The following ZNF793 variants were observed in gnomAD, a reference collection of about 807,000 sequenced individuals.
ZNF793 encodes zinc finger protein 793.
Under a neutral mutation model 12.4 loss-of-function variants are expected in ZNF793, and 5 were observed. That is an observed-to-expected ratio of 0.40 (90% CI 0.21 to 0.84). The LOEUF is 0.84. ZNF793 is among the 40% of genes least tolerant of loss of function. The pLI is 0.35. For synonymous variants in ZNF793, 162 were observed against 172.4 expected, an observed-to-expected ratio of 0.94 and a Z score of 0.47; for missense variants, 456 against 495.0, an observed-to-expected ratio of 0.92 and a Z score of 0.75.
rs1391543441 is a variant in ZNF793, at chr19:37,536,895, A to G, written c.239-2A>G. 2.5e-6 allele frequency: 4 copies of G among 1,595,754 alleles called. No individual in the cohort carries two copies. In the African/African-American group the frequency reaches 5.4e-5, roughly 22 times the overall value. Reference sequence around the variant, plus strand: ...AAGGATGATTCACTGTACTTTCTCCAGAAGACATCTGGCGAGTTAATATCC... The same window carrying G: ...AAGGATGATTCACTGTACTTTCTCCGGAAGACATCTGGCGAGTTAATATCC... On this transcript the variant is annotated splice_acceptor_variant, in intron 7 of 7. Coordinates refer to ENST00000627814, the MANE Select transcript of ZNF793 (RefSeq NM_001013659.3). LOFTEE classifies it high-confidence loss of function.
intron 3 of ZNF793, among the ~76,000 whole-genome samples, chr19:37,521,252 G>A (rs2042373153): frequency 6.6e-6 from 1 of 152,016 alleles, no homozygotes; most frequent in African/African-American, 2.4e-5. Flanking sequence ...CTCCCAAAGT[G>A]CTGGGATTAC....
At position 37,540,981 on chromosome 19, in the gene ZNF793, T is replaced by A. The variant is rs1402489104; in HGVS notation, c.*3102T>A. 1 of 151,908 alleles carries A rather than the reference T, an allele frequency of 6.6e-6. No homozygotes were observed. 9.4% of individuals were successfully genotyped at this position (151,908 alleles called of 1,614,324 possible). A position where few individuals can be genotyped will look rare whatever the true frequency, so the allele number is the denominator to read the frequency against. ...ATTATATATCTATAATAATTAAAAA[T>A]TTTTAAAATGCCATGCTAGATACCA... On this transcript the variant is annotated 3_prime_UTR_variant, in exon 8 of 8. Transcript: ENST00000627814.
Position 37,523,430 on chromosome 19 carries a change from ACAG to A in ZNF793, c.-6_-4del. ...TACAGGTGTCAGATCTTTTTCAAGA[ACAG>A]CAGAAAATGATCGAATACCAGGTAA... On this transcript the variant is annotated 5_prime_UTR_variant, in exon 5 of 8. Coordinates refer to ENST00000627814, the MANE Select transcript of ZNF793 (RefSeq NM_001013659.3). 6.2e-7 allele frequency: 1 copy of A among 1,613,574 alleles called. No individual in the cohort carries two copies. The highest frequency in any genetic ancestry group is 8.5e-7 in the Non-Finnish European group (1 of 1,179,518).
At chr19:37,522,945 C>G (rs996990907) in intron 4 of ZNF793, among the ~76,000 whole-genome samples, 1 of 152,084 alleles carries the variant, frequency 6.6e-6, no homozygotes, top group Non-Finnish European at 1.5e-5. Context: ...GCTTTATGGT[C>G]TATGCTTTAT....
intron 5 of ZNF793, 54 bp from the exon 6 acceptor site, chr19:37,532,302 C>A (rs2042467899): frequency 1.3e-6 from 2 of 1,571,062 alleles, no homozygotes; most frequent in Non-Finnish European, 1.7e-6. Flanking sequence ...CCATGCCTGG[C>A]CCTGCACAAA....
chr19:37,527,292 G>A (rs2042423558), intron 5 of ZNF793, among the ~76,000 whole-genome samples: 2 of 152,098 alleles, frequency 1.3e-5, no homozygotes, highest in South Asian at 4.1e-4. Context: ...GACCTCAGGT[G>A]ATCCACCCTC....
chr19:37,506,466 GCTCT>G (rs1162459178), upstream of ZNF793: 2 of 152,228 alleles, frequency 1.3e-5, no homozygotes, highest in Non-Finnish European at 2.9e-5. Context: ...TCTCTTCGCT[GCTCT>G]CTAACTCCTA....
At chr19:37,522,782 G>A (rs1426045892) in intron 4 of ZNF793, 135 bp downstream of exon 4, 1 of 152,156 alleles carries the variant, frequency 6.6e-6, no homozygotes, top group Admixed American at 6.5e-5. Flanking sequence ...ATATCAGGAG[G>A]CACATGATGT....
At chr19:37,508,570 G>C (rs578058165) in intron 2 of ZNF793, among the ~76,000 whole-genome samples, 167 bp downstream of exon 2, 1 of 152,134 alleles carries the variant, frequency 6.6e-6, no homozygotes, top group Admixed American at 6.6e-5. Context: ...GCCGGGCGTG[G>C]TGGCGGGCGC....
intron 5 of ZNF793, among the ~76,000 whole-genome samples, chr19:37,525,709 C>G (rs1221044407): frequency 6.6e-6 from 1 of 152,138 alleles, no homozygotes; most frequent in Non-Finnish European, 1.5e-5. Flanking sequence ...GCGTGAGCCA[C>G]CGTGCCTGGC....
chr19:37,513,479 C>T (rs1463353247), intron 2 of ZNF793, among the ~76,000 whole-genome samples: 2 of 152,164 alleles, frequency 1.3e-5, no homozygotes, highest in African/African-American at 2.4e-5. Context: ...TTAGACCATA[C>T]GCCAAAACTC....
intron 5 of ZNF793, among the ~76,000 whole-genome samples, chr19:37,530,209 C>G (rs953388238): frequency 6.6e-6 from 1 of 152,194 alleles, no homozygotes; most frequent in African/African-American, 2.4e-5. Flanking sequence ...CCCCCTATCT[C>G]AGTAGATGGA....
At chr19:37,516,583 A>T (rs924220778) in intron 2 of ZNF793, among the ~76,000 whole-genome samples, 4 of 152,126 alleles carry the variant, frequency 2.6e-5, no homozygotes, top group Admixed American at 2.6e-4. Context: ...TGCCCATCAG[A>T]TGGCTGCCAT....
intron 5 of ZNF793, among the ~76,000 whole-genome samples, chr19:37,530,596 C>T (rs1297681973): frequency 1.3e-5 from 2 of 152,144 alleles, no homozygotes; most frequent in South Asian, 2.1e-4. Context: ...ATCCATTTAA[C>T]CCTGAGTTGA....
At chr19:37,526,791 C>T (rs905231390) in intron 5 of ZNF793, among the ~76,000 whole-genome samples, 1 of 152,218 alleles carries the variant, frequency 6.6e-6, no homozygotes, top group Admixed American at 6.5e-5. Flanking sequence ...TGGGCCTGGG[C>T]TGCTCTCAGA....
intron 5 of ZNF793, among the ~76,000 whole-genome samples, chr19:37,532,083 G>C (rs182972609): frequency 5.0e-4 from 75 of 149,386 alleles, no homozygotes; most frequent in African/African-American, 1.6e-3. Context: ...GTGCGATCTC[G>C]GCTCACTGCA....
chr19:37,517,819 T>C (rs1056682403), intron 2 of ZNF793, among the ~76,000 whole-genome samples: 9 of 152,146 alleles, frequency 5.9e-5, no homozygotes, highest in Admixed American at 5.2e-4. Flanking sequence ...TTGTTCTTCC[T>C]GTGTGTGCTT....
chr19:37,536,449 C>T (rs2042505470), intron 7 of ZNF793: 3 of 404,392 alleles, frequency 7.4e-6, no homozygotes, highest in Admixed American at 8.4e-5. Flanking sequence ...ATTTAACCTT[C>T]TTTCTTCTGT....
At position 37,533,387 on chromosome 19, in the gene ZNF793, G is replaced by A. The variant is rs370904763; in HGVS notation, c.222G>A (p.Pro74=). 9.8e-5 allele frequency: 158 copies of A among 1,613,772 alleles called. No individual in the cohort carries two copies. The African/African-American group carries it at 1.7e-3, about 18-fold the overall frequency. Residue 74 remains proline (P), a synonymous_variant, in exon 7 of 8, where the codon CCG becomes CCA. Transcript: ENST00000627814. Reference sequence around the variant, plus strand: ...CATGGATTGGTGAGGCAGCATGCCCGGGCTGCCACTGTTGGGGTAAGTGTG... The same window carrying A: ...CATGGATTGGTGAGGCAGCATGCCCAGGCTGCCACTGTTGGGGTAAGTGTG... The part of the protein sequence containing the change: ...EAPWIGEAAC[P]GCHCWEDIWR...
Sources: allele counts gnomAD v4.1 joint callset (sites outside exome capture counted in the v4.1 genomes callset), GRCh38; gene constraint gnomAD v4.1.1; transcripts MANE v1.5; gene names NCBI Gene and HGNC (gene_info 2026-07-23, HGNC 2026-07-21).